CDH8: variants seen among roughly 807,000 people sequenced by gnomAD.
The protein encoded by CDH8 is cadherin-8.
A neutral mutation model predicts 68.1 loss-of-function variants in CDH8; 17 were observed. That is an observed-to-expected ratio of 0.25 (90% CI 0.17 to 0.37). CDH8 has a LOEUF of 0.37. Among genes scored for constraint, CDH8 ranks in the 10% least tolerant of loss-of-function variants. The pLI, the probability that CDH8 is intolerant of heterozygous loss-of-function variation, is 1.00. For synonymous variants in CDH8, 372 were observed against 365.1 expected (o/e 1.02, Z -0.21); for missense variants, 763 against 999.3 (o/e 0.76, Z 3.19).
chr16:61,688,131 G>A (rs756258902), intron 10 of CDH8, among the ~76,000 whole-genome samples: 1 of 151,942 alleles, frequency 6.6e-6, no homozygotes, highest in Admixed American at 6.6e-5. Flanking sequence ...TACTTTTAGA[G>A]GGAGAAGGAA....
chr16:61,911,538 C>G (rs1050101686), intron 2 of CDH8, among the ~76,000 whole-genome samples: 32 of 152,138 alleles, frequency 2.1e-4, no homozygotes, highest in African/African-American at 7.7e-4. Context: ...GGAAGTTAAA[C>G]TTTAATTCCA....
At chr16:61,855,213 T>C (rs1465251751) in intron 4 of CDH8, among the ~76,000 whole-genome samples, 1 of 152,158 alleles carries the variant, frequency 6.6e-6, no homozygotes, top group Non-Finnish European at 1.5e-5. Flanking sequence ...AAAACTAAAA[T>C]GAGTTTGTGT....
chr16:61,769,255 T>A (rs547369819), intron 8 of CDH8, among the ~76,000 whole-genome samples: 1 of 151,986 alleles, frequency 6.6e-6, no homozygotes, highest in African/African-American at 2.4e-5. Flanking sequence ...CTTTGAATAT[T>A]ATGGTCTTAA....
intron 3 of CDH8, among the ~76,000 whole-genome samples, chr16:61,866,737 A>G (rs1963262556): frequency 6.6e-6 from 1 of 152,192 alleles, no homozygotes. Flanking sequence ...TTTAAAAAAT[A>G]GAATAGTACC....
At chr16:62,030,222 C>T (rs1902292276) in intron 1 of CDH8, among the ~76,000 whole-genome samples, 1 of 152,054 alleles carries the variant, frequency 6.6e-6, no homozygotes, top group Non-Finnish European at 1.5e-5. Context: ...GAGTTATGAC[C>T]CAGAATGTAT....
At chr16:61,755,320 C>T (rs1960283137) in intron 8 of CDH8, among the ~76,000 whole-genome samples, 1 of 152,066 alleles carries the variant, frequency 6.6e-6, no homozygotes, top group African/African-American at 2.4e-5. Context: ...TTTAGTTGAA[C>T]TGTGTGACTA....
intron 11 of CDH8, among the ~76,000 whole-genome samples, 198 bp downstream of exon 11, chr16:61,655,272 C>T (rs1470300163): frequency 6.6e-6 from 1 of 152,196 alleles, no homozygotes; most frequent in East Asian, 1.9e-4. Flanking sequence ...CACTGAAAGT[C>T]CTCTTCATTT....
intron 8 of CDH8, among the ~76,000 whole-genome samples, chr16:61,783,961 G>A (rs541489952): frequency 1.5e-4 from 23 of 152,208 alleles, no homozygotes; most frequent in East Asian, 5.8e-4. Context: ...AGGAACAACC[G>A]GTACCAGCTG....
chr16:61,920,291 G>A (rs1276092740), intron 2 of CDH8, among the ~76,000 whole-genome samples: 1 of 128,944 alleles, frequency 7.8e-6, no homozygotes, highest in African/African-American at 3.1e-5. Context: ...CACAGCAAAA[G>A]AAACTACCAT....
chr16:61,782,240 C>A (rs1488472527), intron 8 of CDH8, among the ~76,000 whole-genome samples: 1 of 152,054 alleles, frequency 6.6e-6, no homozygotes, highest in African/African-American at 2.4e-5. Flanking sequence ...GCGCACCGTC[C>A]GCGAGCCGAA....
intron 10 of CDH8, among the ~76,000 whole-genome samples, chr16:61,666,202 G>GTA (rs1214954706): frequency 1.2e-4 from 18 of 148,960 alleles, no homozygotes; most frequent in African/African-American, 3.0e-4. Context: ...GTGTGTGTGT[G>GTA]TGTGTATATA....
intron 8 of CDH8, among the ~76,000 whole-genome samples, chr16:61,732,180 A>G (rs1959556631): frequency 6.6e-6 from 1 of 151,682 alleles, no homozygotes. Flanking sequence ...GGAGACAGAG[A>G]ATGGAGAAAA....
chr16:61,809,217 CA>C (rs1204922286), intron 7 of CDH8, among the ~76,000 whole-genome samples: 3 of 150,694 alleles, frequency 2.0e-5, no homozygotes, highest in Non-Finnish European at 4.4e-5. Context: ...TAAAAAAAAA[CA>C]AAAAAAGTAA....
chr16:61,995,081 C>T (rs1202970451), intron 2 of CDH8, among the ~76,000 whole-genome samples: 1 of 152,084 alleles, frequency 6.6e-6, no homozygotes, highest in East Asian at 1.9e-4. Flanking sequence ...CTGTCTTGTT[C>T]CTAGCCAAGG....
intron 8 of CDH8, among the ~76,000 whole-genome samples, chr16:61,743,898 T>C (rs1268459056): frequency 1.3e-5 from 2 of 152,096 alleles, no homozygotes; most frequent in Non-Finnish European, 2.9e-5. Flanking sequence ...TTTTCATGGG[T>C]TTTTTCCTCT....
chr16:61,989,939 T>C (rs1176943867), intron 2 of CDH8, among the ~76,000 whole-genome samples: 2 of 152,170 alleles, frequency 1.3e-5, no homozygotes, highest in African/African-American at 4.8e-5. Context: ...TCTAATACTC[T>C]AAAAAGTAAA....
intron 10 of CDH8, among the ~76,000 whole-genome samples, chr16:61,678,356 TAC>T (rs1385152514): frequency 6.6e-6 from 1 of 152,016 alleles, no homozygotes; most frequent in East Asian, 1.9e-4. Flanking sequence ...TCAAATATTT[TAC>T]AGAGTTTGAC....
At chr16:61,676,761 T>C (rs1963919995) in intron 10 of CDH8, among the ~76,000 whole-genome samples, 1 of 152,092 alleles carries the variant, frequency 6.6e-6, no homozygotes, top group Non-Finnish European at 1.5e-5. Context: ...ATAAATTGCC[T>C]GTATTCATTG....
intron 4 of CDH8, among the ~76,000 whole-genome samples, chr16:61,844,778 A>G (rs889305582): frequency 6.6e-6 from 1 of 152,198 alleles, no homozygotes; most frequent in African/African-American, 2.4e-5. Flanking sequence ...CAGGATAACT[A>G]AGGAAAGTTA....
Sources: gnomAD v4.1 joint callset for allele counts (sites outside exome capture counted in the v4.1 genomes callset) on GRCh38, gnomAD v4.1.1 for gene constraint, MANE v1.5 for transcripts, NCBI Gene and HGNC (gene_info 2026-07-23, HGNC 2026-07-21) for gene names.